The following MGAT4D variants were observed in gnomAD, a reference collection of about 807,000 sequenced individuals.
The protein encoded by MGAT4D is alpha-1,3-mannosyl-glycoprotein 4-beta-N-acetylglucosaminyltransferase-like protein MGAT4D.
Under a neutral mutation model 15.9 loss-of-function variants are expected in MGAT4D, and 34 were observed. That is an observed-to-expected ratio of 2.14 (90% confidence interval 1.62 to 2.84). The LOEUF is 2.84. Ranked by LOEUF, MGAT4D falls within the 30% of genes most tolerant of loss-of-function variation. The pLI is 0.00. For synonymous variants in MGAT4D, 112 were observed against 48.2 expected (o/e 2.33, Z -5.49); for missense variants, 327 against 140.2 (o/e 2.33, Z -6.73).
intron 10 of MGAT4D, among the ~76,000 whole-genome samples, chr4:140,448,967 G>A (rs944025586): frequency 2.0e-5 from 3 of 152,162 alleles, no homozygotes; most frequent in Non-Finnish European, 2.9e-5. Context: ...AAAAAAAGTC[G>A]TTGTTTAACT....
intron 2 of MGAT4D, among the ~76,000 whole-genome samples, chr4:140,481,247 G>A (rs1356989060): frequency 6.6e-6 from 1 of 152,180 alleles, no homozygotes; most frequent in Non-Finnish European, 1.5e-5. Context: ...GGAGGCTGCA[G>A]TGAGCCAGAT....
chr4:140,482,616 A>G, intron 1 of MGAT4D, 131 bp from the exon 2 acceptor site: 1 of 419,666 alleles, frequency 2.4e-6, no homozygotes, highest in Non-Finnish European at 4.2e-6. Flanking sequence ...TTATATGTGT[A>G]TATATACAGT....
At chr4:140,467,690 T>C (rs1435724727) in intron 5 of MGAT4D, among the ~76,000 whole-genome samples, 1 of 152,142 alleles carries the variant, frequency 6.6e-6, no homozygotes, top group East Asian at 1.9e-4. Flanking sequence ...CTTAATTATA[T>C]GGGAATTGCT....
chr4:140,496,707 G>T (rs1733859557), intron 1 of MGAT4D, among the ~76,000 whole-genome samples: 1 of 152,100 alleles, frequency 6.6e-6, no homozygotes, highest in Admixed American at 6.5e-5. Context: ...TCCGGGCATG[G>T]TGGCACATGC....
At chr4:140,473,705 T>C (rs1732126715) in intron 4 of MGAT4D, among the ~76,000 whole-genome samples, 1 of 152,176 alleles carries the variant, frequency 6.6e-6, no homozygotes, top group Non-Finnish European at 1.5e-5. Flanking sequence ...CTTGTTCATT[T>C]GTTTGTTTTT....
chr4:140,480,134 TA>T (rs1401764613), intron 2 of MGAT4D, among the ~76,000 whole-genome samples: 3 of 152,016 alleles, frequency 2.0e-5, no homozygotes, highest in Non-Finnish European at 2.9e-5. Context: ...TGATATTATA[TA>T]AAAAAAGATA....
chr4:140,465,030 A>G (rs1361994721), intron 5 of MGAT4D, 21 bp from the exon 6 acceptor site: 1 of 692,806 alleles, frequency 1.4e-6, no homozygotes, highest in Non-Finnish European at 2.6e-6. Flanking sequence ...AAGTAAATGC[A>G]GACTTATAAT....
Position 140,456,602 on chromosome 4 carries a change from G to T in MGAT4D, c.995C>A (p.Ala332Glu). 1 of 673,526 alleles carries T rather than the reference G, an allele frequency of 1.5e-6. No homozygotes were observed. The highest frequency in any genetic ancestry group is 2.7e-6 in the Non-Finnish European group (1 of 371,464). The allele number at this position is 673,526 out of a possible 1,614,324, so 41.7% of individuals were successfully genotyped here. Residue 332 changes from alanine to glutamate, a missense_variant, in exon 9 of 11, where the codon GCA becomes GAA. Ala to Glu is a moderately radical substitution (Grantham distance 107). Transcript: ENST00000511113. ...NDIFQVKVCD[A>E]GEDLRNCMKR... ...GTAAATACTCACAAGATCTTCTCCTGCGTCACACACCTTTACCTGAAAAAT... is the reference window on the plus strand; with the variant it reads ...GTAAATACTCACAAGATCTTCTCCTTCGTCACACACCTTTACCTGAAAAAT...
rs957213669 is a variant in MGAT4D, at chr4:140,451,484, T to A, written c.1042A>T (p.Ile348Phe). 1.8e-5 allele frequency: 11 copies of A among 599,058 alleles called. No homozygotes were observed. Among genetic ancestry groups the A allele is most frequent in the Non-Finnish European group, 3.4e-5 (11 of 327,438 alleles). The allele number at this position is 599,058 out of a possible 1,614,324, so 37.1% of individuals were successfully genotyped here. Residue 348 changes from isoleucine (I) to phenylalanine (F), a missense_variant, in exon 10 of 11, where the codon ATT becomes TTT. Physicochemically the swap from Ile to Phe is conservative, Grantham distance 21 (BLOSUM62 0). Transcript: ENST00000511113. ...NCMKRKKQIRIQYKPSLFQHV... is the reference protein window; with the variant it reads ...NCMKRKKQIRFQYKPSLFQHV... Reference sequence around the variant, plus strand: ...TGGAAAAGAGAAGGTTTATACTGAATACGTATTTGCTTCTTTCGTTTCATA... The same window carrying A: ...TGGAAAAGAGAAGGTTTATACTGAAAACGTATTTGCTTCTTTCGTTTCATA...
intron 10 of MGAT4D, among the ~76,000 whole-genome samples, chr4:140,445,728 G>T (rs1247823153): frequency 1.3e-5 from 2 of 152,174 alleles, no homozygotes; most frequent in Non-Finnish European, 2.9e-5. Flanking sequence ...AAGGTGTCCA[G>T]TTTCAATCTT....
chr4:140,475,344 T>C (rs966247865), intron 3 of MGAT4D, among the ~76,000 whole-genome samples: 3 of 152,158 alleles, frequency 2.0e-5, no homozygotes, highest in East Asian at 1.9e-4. Flanking sequence ...CTATGAAATA[T>C]TTTCATCTGT....
At chr4:140,482,805 T>A (rs1444561474) in intron 1 of MGAT4D, among the ~76,000 whole-genome samples, 1 of 152,118 alleles carries the variant, frequency 6.6e-6, no homozygotes, top group East Asian at 1.9e-4. Flanking sequence ...ATGGTGTGCG[T>A]GTATCAGATT....
At chr4:140,477,555 A>G (rs1020454730) in intron 3 of MGAT4D, among the ~76,000 whole-genome samples, 1 of 152,262 alleles carries the variant, frequency 6.6e-6, no homozygotes, top group East Asian at 1.9e-4. Flanking sequence ...GGCAGTGGTT[A>G]GCACATGCAG....
chr4:140,490,691 A>C (rs1733445940), intron 1 of MGAT4D, among the ~76,000 whole-genome samples: 1 of 152,224 alleles, frequency 6.6e-6, no homozygotes, highest in African/African-American at 2.4e-5. Context: ...GCCAGTGTTA[A>C]AGTTATTGGC....
chr4:140,473,300 T>C (rs9685860), intron 4 of MGAT4D, among the ~76,000 whole-genome samples: 37,446 of 151,974 alleles, frequency 0.25, 4,974 homozygotes, highest in East Asian at 0.48. Flanking sequence ...TCAATGACTA[T>C]CGAGTATTGC....
At chr4:140,446,674 G>T (rs1447007668) in intron 10 of MGAT4D, among the ~76,000 whole-genome samples, 1 of 142,294 alleles carries the variant, frequency 7.0e-6, no homozygotes, top group African/African-American at 2.6e-5. Context: ...GTCTCCTTCA[G>T]TTCAGCTCTG....
At chr4:140,497,171 C>T (rs764128953) in intron 1 of MGAT4D, among the ~76,000 whole-genome samples, 1 of 152,044 alleles carries the variant, frequency 6.6e-6, no homozygotes, top group Non-Finnish European at 1.5e-5. Context: ...CCAAGATTAC[C>T]TTGTGTGCAC....
intron 1 of MGAT4D, among the ~76,000 whole-genome samples, chr4:140,484,589 G>T (rs905825479): frequency 1.3e-5 from 2 of 152,132 alleles, no homozygotes; most frequent in African/African-American, 2.4e-5. Flanking sequence ...CACAGCAAAA[G>T]AAACTACCAT....
intron 8 of MGAT4D, chr4:140,459,052 T>C (rs1179931202): frequency 6.6e-6 from 1 of 152,170 alleles, no homozygotes; most frequent in African/African-American, 2.4e-5. Flanking sequence ...GGAAATTTTC[T>C]GTGGTGGGTA....
Sources: allele counts gnomAD v4.1 joint callset (sites outside exome capture counted in the v4.1 genomes callset), GRCh38; gene constraint gnomAD v4.1.1; transcripts MANE v1.5; gene names NCBI Gene and HGNC (gene_info 2026-07-23, HGNC 2026-07-21).